Variants in TBX19 observed in about 807,000 individuals in gnomAD.
The protein encoded by TBX19 is T-box transcription factor TBX19.
Under a neutral mutation model 40.9 loss-of-function variants are expected in TBX19, and 33 were observed. The ratio of observed to expected loss-of-function variants is 0.81; its 90% CI spans 0.61 to 1.08. The LOEUF is 1.08. Among genes scored for constraint, TBX19 ranks in the 50% least tolerant of loss-of-function variants. The pLI, the probability that TBX19 is intolerant of heterozygous loss-of-function variation, is 0.00. For missense variants in TBX19, 494 were observed against 574.0 expected, an observed-to-expected ratio of 0.86 and a Z score of 1.42; for synonymous variants, 220 against 225.0, an observed-to-expected ratio of 0.98 and a Z score of 0.20.
At chr1:168,291,056 T>G in intron 1 of TBX19, 104 bp from the exon 2 acceptor site, 1 of 1,524,188 alleles carries the variant, frequency 6.6e-7, no homozygotes, top group Non-Finnish European at 9.1e-7. Context: ...TTTGGCCTCC[T>G]CACAGGGCAT....
rs141383527 is a variant in TBX19, at chr1:168,305,102, C to T, written c.822C>T (p.His274=). 1.2e-6 allele frequency: 2 copies of T among 1,614,172 alleles called. No homozygotes were observed. The highest frequency in any genetic ancestry group is 1.7e-6 in the Non-Finnish European group (2 of 1,180,038). Residue 274 remains histidine (H), a synonymous_variant, in exon 6 of 8, where the codon CAC becomes CAT. Coordinates refer to ENST00000367821, the MANE Select transcript of TBX19 (RefSeq NM_005149.3). ...CTCCTCTGCCTCTGCCTGCTCCCCA[C>T]ACCCACCATGGCTGTGAGCACTATT... ...YAAPLPLPAP[H]THHGCEHYSG...
At chr1:168,285,931 G>A (rs1259569001) in intron 1 of TBX19, among the ~76,000 whole-genome samples, 2 of 152,126 alleles carry the variant, frequency 1.3e-5, no homozygotes, top group African/African-American at 4.8e-5. Flanking sequence ...GGGAGGAGGG[G>A]AACTTGGCTT....
intron 1 of TBX19, among the ~76,000 whole-genome samples, chr1:168,282,384 CGA>C (rs1383534599): frequency 6.6e-6 from 1 of 152,094 alleles, no homozygotes; most frequent in Admixed American, 6.5e-5. Flanking sequence ...GTTATGAACT[CGA>C]GAGCTGTTAC....
At chr1:168,299,931 G>C (rs541855331) in intron 4 of TBX19, among the ~76,000 whole-genome samples, 1 of 152,284 alleles carries the variant, frequency 6.6e-6, no homozygotes, top group African/African-American at 2.4e-5. Flanking sequence ...CTTTGAGTAA[G>C]AGGTCCTGAC....
chr1:168,309,003 T>A, intron 7 of TBX19, 126 bp downstream of exon 7: 2 of 1,365,388 alleles, frequency 1.5e-6, no homozygotes, highest in Non-Finnish European at 2.1e-6. Context: ...TCTAAAACAC[T>A]AAGAAGTCAA....
chr1:168,295,397 A>T (rs890113805), intron 3 of TBX19, among the ~76,000 whole-genome samples: 5 of 152,186 alleles, frequency 3.3e-5, no homozygotes, highest in Admixed American at 2.0e-4. Context: ...ATCTCCAAGG[A>T]TGATGCTCAG....
rs2102353425 is a variant in TBX19 at position 168,291,195 on chromosome 1, G to A, written c.239G>A (p.Gly80Glu). 1 of 1,614,196 alleles carries A rather than the reference G, an allele frequency of 6.2e-7. No homozygotes were observed. Among genetic ancestry groups the A allele is most frequent in the Non-Finnish European group, 8.5e-7 (1 of 1,180,046 alleles). ...CCAGTCCTAAAGATTAGTGTCACAG[G>A]GTTGGACCCCAATGCCATGTACTCC... Reference protein sequence around the residue: ...MFPVLKISVTGLDPNAMYSLL... With the variant: ...MFPVLKISVTELDPNAMYSLL... The change falls in exon 2 of 8, where the codon GGG becomes GAG. Residue 80 changes from glycine to glutamate, a missense_variant. This residue lies in a region of TBX19 where 201 missense variants were observed against 235.2 expected (regional missense o/e 0.85). Transcript: ENST00000367821.
chr1:168,287,381 A>G (rs1031587453), intron 1 of TBX19, among the ~76,000 whole-genome samples: 1 of 152,206 alleles, frequency 6.6e-6, no homozygotes, highest in Admixed American at 6.5e-5. Flanking sequence ...CTGTTCAGAT[A>G]TGGCTAAAGT....
intron 1 of TBX19, among the ~76,000 whole-genome samples, chr1:168,285,189 T>C (rs1168988429): frequency 1.3e-5 from 2 of 152,094 alleles, no homozygotes; most frequent in East Asian, 3.9e-4. Context: ...TATTTATCTT[T>C]AATTGACACC....
chr1:168,311,030 T>G (rs1339249555), intron 7 of TBX19, among the ~76,000 whole-genome samples: 1 of 151,842 alleles, frequency 6.6e-6, no homozygotes, highest in African/African-American at 2.4e-5. Flanking sequence ...AACTTACACA[T>G]GTAGTTGGCA....
chr1:168,305,164 C>A lies in TBX19; in HGVS notation c.884C>A (p.Ser295Tyr). The change falls in exon 6 of 8, where the codon TCT (serine) becomes TAT (tyrosine). Residue 295 changes from serine to tyrosine, a missense_variant. Transcript: ENST00000367821. ...LRGHRQAPYP[S>Y]AYMHRNHSPS... is the part of the protein sequence containing the mutation. ...GGACACCGGCAGGCTCCCTACCCTT[C>A]TGCGTACATGCACAGAAACCATTCT... The A allele has an allele frequency of 6.2e-7, 1 of 1,613,348 alleles. No homozygotes were observed. The highest frequency in any genetic ancestry group is 1.1e-5 in the South Asian group (1 of 91,072).
chr1:168,298,530 G>A (rs1053887423), intron 4 of TBX19, among the ~76,000 whole-genome samples: 3 of 152,128 alleles, frequency 2.0e-5, no homozygotes, highest in Admixed American at 6.5e-5. Context: ...AAAAGAAGTC[G>A]GAGACTTCTG....
chr1:168,298,053 G>T (rs1186498879), intron 4 of TBX19, among the ~76,000 whole-genome samples: 1 of 152,114 alleles, frequency 6.6e-6, no homozygotes, highest in Non-Finnish European at 1.5e-5. Context: ...AAAATTAGCC[G>T]GGTGTGGTGG....
intron 4 of TBX19, 101 bp downstream of exon 4, chr1:168,297,886 T>C (rs1649152988): frequency 9.6e-7 from 1 of 1,039,378 alleles, no homozygotes. Flanking sequence ...TAGTAGCACT[T>C]TCATTACCTT....
At chr1:168,306,626 C>CAA (rs56042823) in intron 6 of TBX19, among the ~76,000 whole-genome samples, 5,835 of 74,402 alleles carry the variant, frequency 0.078, 534 homozygotes, top group African/African-American at 0.2. Flanking sequence ...GACGCCATCT[C>CAA]AAAAAAAAAA....
At position 168,301,891 on chromosome 1, in the gene TBX19, G is replaced by A. The variant is rs550745432; in HGVS notation, c.727+1408G>A. The stretch of plus-strand genomic sequence containing the variant: ...CTTTAAAGAATTGCCCCCAGGCATG[G>A]GTGCAGGGGGTGCCCTTGACTGAAG... On this transcript the variant is annotated intron_variant, in intron 5 of 7. Coordinates refer to ENST00000367821, the MANE Select transcript of TBX19 (RefSeq NM_005149.3). 9.3e-4 allele frequency among the ~76,000 whole-genome samples: 141 copies of A among 152,312 alleles called. 1 individual carries two copies. Among genetic ancestry groups the A allele is most frequent in the African/African-American group, 3.3e-3 (138 of 41,564 alleles).
intron 5 of TBX19, among the ~76,000 whole-genome samples, chr1:168,302,551 C>T (rs1649304699): frequency 6.6e-6 from 1 of 152,150 alleles, no homozygotes; most frequent in African/African-American, 2.4e-5. Context: ...AGTCTTTGCC[C>T]ATAAACTCAC....
At chr1:168,283,124 C>A (rs1648704535) in intron 1 of TBX19, among the ~76,000 whole-genome samples, 1 of 152,218 alleles carries the variant, frequency 6.6e-6, no homozygotes, top group Non-Finnish European at 1.5e-5. Flanking sequence ...GCAAGGGGTC[C>A]TTGAGCCCGG....
At chr1:168,288,389 G>GATA (rs1239065312) in intron 1 of TBX19, among the ~76,000 whole-genome samples, 1 of 152,024 alleles carries the variant, frequency 6.6e-6, no homozygotes, top group African/African-American at 2.4e-5. Flanking sequence ...GACTGTACAT[G>GATA]ATAACTATTA....
Sources: allele counts gnomAD v4.1 joint callset (sites outside exome capture counted in the v4.1 genomes callset), GRCh38; gene constraint gnomAD v4.1.1; regional missense constraint gnomAD v4.1.1; transcripts MANE v1.5; gene names NCBI Gene and HGNC (gene_info 2026-07-23, HGNC 2026-07-21).